DLC1: variants seen among roughly 807,000 people sequenced by gnomAD.
DLC1 encodes rho GTPase-activating protein 7.
A neutral mutation model predicts 140.3 loss-of-function variants in DLC1; 54 were observed. The ratio of observed to expected loss-of-function variants is 0.38; its 90% confidence interval spans 0.31 to 0.48. The LOEUF (loss-of-function observed/expected upper bound fraction) is 0.48, where lower values mean the gene tolerates loss of function less well. Among genes scored for constraint, DLC1 ranks in the 20% least tolerant of loss-of-function variants. DLC1 has a pLI of 0.96. For synonymous variants in DLC1, 986 were observed against 728.1 expected (o/e 1.35, Z -5.70); for missense variants, 2,536 against 1,907.0 (o/e 1.33, Z -6.14).
At chr8:13,284,694 A>C (rs935745005) in intron 5 of DLC1, among the ~76,000 whole-genome samples, 1 of 152,018 alleles carries the variant, frequency 6.6e-6, no homozygotes, top group African/African-American at 2.4e-5. Flanking sequence ...TAGCAAGATC[A>C]CAGGATTGAA....
intron 5 of DLC1, among the ~76,000 whole-genome samples, chr8:13,189,542 A>G (rs899548937): frequency 2.6e-5 from 4 of 152,112 alleles, no homozygotes; most frequent in African/African-American, 9.7e-5. Context: ...TAATCAAGTA[A>G]AAATGTATTC....
At chr8:13,314,241 A>G (rs1167230901) in intron 4 of DLC1, among the ~76,000 whole-genome samples, 1 of 144,252 alleles carries the variant, frequency 6.9e-6, no homozygotes, top group Non-Finnish European at 1.5e-5. Context: ...ATATATTTAT[A>G]ATATACATGT....
chr8:13,129,238 CT>C (rs1222839296), intron 5 of DLC1, among the ~76,000 whole-genome samples: 4 of 152,188 alleles, frequency 2.6e-5, no homozygotes, highest in Admixed American at 6.5e-5. Context: ...GAGGAACAGC[CT>C]TCACCTCCCT....
At chr8:13,548,529 A>T (rs1367394447) in intron 1 of DLC1, among the ~76,000 whole-genome samples, 1 of 152,068 alleles carries the variant, frequency 6.6e-6, no homozygotes, top group African/African-American at 2.4e-5. Context: ...GCTACAAGGA[A>T]TATTTCTATG....
chr8:13,103,534 G>A (rs933513402), intron 7 of DLC1, among the ~76,000 whole-genome samples: 2 of 151,488 alleles, frequency 1.3e-5, no homozygotes, highest in African/African-American at 4.9e-5. Context: ...TGCCGCACAT[G>A]GAGCCAAGAA....
chr8:13,383,712 A>T (rs948258639), intron 4 of DLC1, among the ~76,000 whole-genome samples: 2 of 152,224 alleles, frequency 1.3e-5, no homozygotes, highest in Non-Finnish European at 2.9e-5. Flanking sequence ...TTTCACTTGC[A>T]TCGGTGGAAG....
At position 13,084,135 on chromosome 8, in the gene DLC1, C is replaced by T. The variant is rs1307567195; in HGVS notation, c.*1676G>A. 1.3e-5 allele frequency: 2 copies of T among 152,540 alleles called. No homozygotes were observed. The highest frequency in any genetic ancestry group is 2.1e-4 in the South Asian group (1 of 4,822). The allele number at this position is 152,540 out of a possible 1,614,324, so 9.4% of individuals were successfully genotyped here. ...GTATATCTTAAATAATAATCTTTAT[C>T]ATGCTTTATCTATGTTTGAAAGCAC... On this transcript the variant is annotated 3_prime_UTR_variant, in exon 18 of 18. Coordinates refer to ENST00000276297, the MANE Select transcript of DLC1 (RefSeq NM_182643.3).
chr8:13,101,208 G>C (rs1004935968), intron 8 of DLC1, among the ~76,000 whole-genome samples: 1 of 152,206 alleles, frequency 6.6e-6, no homozygotes, highest in Non-Finnish European at 1.5e-5. Context: ...ACAGTGCCCG[G>C]TGTTTTGTTT....
chr8:13,486,296 A>G (rs540746509), intron 2 of DLC1, among the ~76,000 whole-genome samples: 7 of 152,156 alleles, frequency 4.6e-5, no homozygotes, highest in Non-Finnish European at 7.4e-5. Context: ...AATCCATTTT[A>G]TGTTTTTGTC....
Position 13,446,382 on chromosome 8 carries a change from C to G in DLC1, c.1024-44763G>C, listed in dbSNP as rs1044175361. On this transcript the variant is annotated intron_variant, in intron 2 of 17. Coordinates refer to ENST00000276297, the MANE Select transcript of DLC1 (RefSeq NM_182643.3). ...CAAATTGTGATAAATGTAAACAACA[C>G]TCATTTCTTGTTTTCATCTTTTGAG... Among the ~76,000 whole-genome samples, 3 of 152,278 alleles carry G rather than the reference C, an allele frequency of 2.0e-5. No individual in the cohort carries two copies. The East Asian group carries it at 5.8e-4, about 29-fold the overall frequency.
chr8:13,565,744 T>A (rs1804406693), intron 1 of DLC1, among the ~76,000 whole-genome samples: 3 of 152,178 alleles, frequency 2.0e-5, no homozygotes, highest in Non-Finnish European at 4.4e-5. Context: ...TCTAGGCTCT[T>A]AAAATTATCC....
chr8:13,210,275 G>A (rs1009755480), intron 5 of DLC1, among the ~76,000 whole-genome samples: 5 of 151,992 alleles, frequency 3.3e-5, no homozygotes, highest in African/African-American at 4.8e-5. Context: ...TCCCACCTCC[G>A]CTCTCAATTC....
intron 1 of DLC1, among the ~76,000 whole-genome samples, chr8:13,551,088 T>TC (rs1803833295): frequency 6.8e-6 from 1 of 146,412 alleles, no homozygotes; most frequent in Non-Finnish European, 1.5e-5. Context: ...TTTTTTTTTT[T>TC]CCAAAGAACA....
chr8:13,559,213 C>T (rs1006585434), intron 1 of DLC1: 3 of 152,218 alleles, frequency 2.0e-5, no homozygotes, highest in African/African-American at 7.2e-5. Flanking sequence ...AGCCTTGTAC[C>T]ACATGGCAGC....
intron 5 of DLC1, among the ~76,000 whole-genome samples, chr8:13,154,830 G>A (rs755284223): frequency 6.6e-6 from 1 of 152,108 alleles, no homozygotes. Flanking sequence ...ATAGAAAAAC[G>A]ACTCAATTTT....
intron 5 of DLC1, among the ~76,000 whole-genome samples, chr8:13,238,741 C>G (rs1201142387): frequency 2.0e-5 from 3 of 152,126 alleles, no homozygotes; most frequent in African/African-American, 7.2e-5. Flanking sequence ...AGCTGTGGCC[C>G]TGGGTTACAC....
chr8:13,249,806 A>T (rs1318989742), intron 5 of DLC1, among the ~76,000 whole-genome samples: 2 of 152,134 alleles, frequency 1.3e-5, no homozygotes, highest in African/African-American at 4.8e-5. Flanking sequence ...ATCCTAAATT[A>T]TCCCCATTGA....
chr8:13,131,090 T>C (rs951080556), intron 5 of DLC1, among the ~76,000 whole-genome samples: 3 of 152,238 alleles, frequency 2.0e-5, no homozygotes, highest in African/African-American at 4.8e-5. Context: ...CCCAGGACTT[T>C]AGTTCTTCGA....
intron 4 of DLC1, among the ~76,000 whole-genome samples, chr8:13,381,819 G>T (rs1177906665): frequency 1.3e-5 from 2 of 152,122 alleles, no homozygotes; most frequent in Non-Finnish European, 2.9e-5. Context: ...TAAATTAAGG[G>T]GGATTTGTTA....
Sources: allele counts gnomAD v4.1 joint callset (sites outside exome capture counted in the v4.1 genomes callset), GRCh38; gene constraint gnomAD v4.1.1; transcripts MANE v1.5; gene names NCBI Gene and HGNC (gene_info 2026-07-23, HGNC 2026-07-21).